Variants in VPS13B observed in about 807,000 individuals in gnomAD.
VPS13B encodes the protein intermembrane lipid transfer protein VPS13B.
Under a neutral mutation model 426.4 loss-of-function variants are expected in VPS13B, and 285 were observed. The ratio of observed to expected loss-of-function variants is 0.67; its 90% CI spans 0.61 to 0.74. VPS13B has a LOEUF of 0.74. Among genes scored for constraint, VPS13B ranks in the 30% least tolerant of loss-of-function variants. The probability of loss-of-function intolerance (pLI) is 0.00; values close to 1 mark genes in which losing one functional copy is unlikely to be tolerated. For missense variants in VPS13B, 4,537 were observed against 4,782.6 expected, an observed-to-expected ratio of 0.95 and a Z score of 1.51; for synonymous variants, 1,676 against 1,676.4, an observed-to-expected ratio of 1.00 and a Z score of 0.01.
rs946605284 is a variant in VPS13B at position 99,876,318 on chromosome 8, T to C, written c.*652T>C. The C allele has an allele frequency of 6.5e-6, 1 of 153,114 alleles. No homozygotes were observed. Among genetic ancestry groups the C allele is most frequent in the African/African-American group, 2.4e-5 (1 of 41,456 alleles). The allele number at this position is 153,114 out of a possible 1,614,324, so 9.5% of individuals were successfully genotyped here. On this transcript the variant is annotated 3_prime_UTR_variant, in exon 62 of 62. Coordinates refer to ENST00000357162, the MANE Select transcript of VPS13B (RefSeq NM_152564.5). ...CAGTGCTATTCTTTGAAAGCTGCTA[T>C]GTGTATTTTCTCTGAAGTCTGCATT...
At chr8:99,802,092 GTGAGTCA>G (rs1326507764) in intron 43 of VPS13B, among the ~76,000 whole-genome samples, 1 of 151,834 alleles carries the variant, frequency 6.6e-6, no homozygotes, top group African/African-American at 2.4e-5. Flanking sequence ...TGAGGCTACA[GTGAGTCA>G]TGATCGTGCC....
rs1277958075 is a variant in VPS13B, at chr8:99,720,849, C to A, written c.6866-14C>A. The A allele has an allele frequency of 1.9e-6, 3 of 1,604,354 alleles. No individual in the cohort carries two copies. On this transcript the variant is annotated splice_polypyrimidine_tract_variant and intron_variant, in intron 38 of 61. Coordinates refer to ENST00000357162, the MANE Select transcript of VPS13B (RefSeq NM_152564.5). ...CCTTTAAATCATACAATTAATTATA[C>A]TTTTATTTGACAGAATCTTTGAAAT... is the stretch of plus-strand genomic sequence containing the variant.
chr8:99,057,188 T>A (rs1350909082), intron 3 of VPS13B, among the ~76,000 whole-genome samples: 2 of 144,574 alleles, frequency 1.4e-5, no homozygotes, highest in Non-Finnish European at 3.1e-5. Flanking sequence ...ACAAAAAGTA[T>A]TTTTTTTTTT....
intron 19 of VPS13B, among the ~76,000 whole-genome samples, chr8:99,336,146 G>A (rs1049350548): frequency 1.3e-5 from 2 of 152,080 alleles, no homozygotes; most frequent in African/African-American, 4.8e-5. Flanking sequence ...AAACAGCAAG[G>A]TACTGGTACC....
At chr8:99,097,665 A>G (rs966904158) in intron 4 of VPS13B, among the ~76,000 whole-genome samples, 3 of 152,216 alleles carry the variant, frequency 2.0e-5, no homozygotes, top group Middle Eastern at 3.2e-3. Flanking sequence ...AGAGACAAAT[A>G]GTAGCCAAAA....
intron 19 of VPS13B, among the ~76,000 whole-genome samples, chr8:99,286,137 T>C (rs1819429260): frequency 6.6e-6 from 1 of 152,172 alleles, no homozygotes; most frequent in East Asian, 1.9e-4. Context: ...TCCTTCCCCA[T>C]GAAGTTGGGA....
intron 39 of VPS13B, among the ~76,000 whole-genome samples, chr8:99,730,888 G>T (rs1344100520): frequency 1.3e-5 from 2 of 152,048 alleles, no homozygotes; most frequent in African/African-American, 4.8e-5. Flanking sequence ...CCACGAAAAA[G>T]CCACAGAGAA....
At chr8:99,453,814 G>A (rs969961836) in intron 23 of VPS13B, among the ~76,000 whole-genome samples, 3 of 152,042 alleles carry the variant, frequency 2.0e-5, no homozygotes, top group Admixed American at 1.3e-4. Context: ...CTAAACCTGC[G>A]CAGCCTCTCC....
intron 33 of VPS13B, 100 bp downstream of exon 33, chr8:99,577,733 A>G: frequency 7.0e-7 from 1 of 1,424,372 alleles, no homozygotes; most frequent in Non-Finnish European, 9.8e-7. Flanking sequence ...CTGCTTAATT[A>G]TTCTGTGTTT....
At chr8:99,549,563 G>T (rs961082196) in intron 30 of VPS13B, among the ~76,000 whole-genome samples, 2 of 151,862 alleles carry the variant, frequency 1.3e-5, no homozygotes, top group African/African-American at 4.8e-5. Context: ...CTCTCCTCTT[G>T]GCTATTGTGC....
intron 19 of VPS13B, among the ~76,000 whole-genome samples, chr8:99,281,214 G>A (rs1479215231): frequency 6.6e-6 from 1 of 152,230 alleles, no homozygotes; most frequent in East Asian, 1.9e-4. Context: ...TCTGACAGGA[G>A]GCAGAGCTCA....
chr8:99,827,389 T>A (rs1814753483), intron 51 of VPS13B, among the ~76,000 whole-genome samples: 3 of 152,202 alleles, frequency 2.0e-5, no homozygotes. Flanking sequence ...GATGGTAGTT[T>A]GTATTTCTGT....
In VPS13B at chr8:99,699,750, A is replaced by T. The variant is rs1832191384; in HGVS notation, c.6272A>T (p.Gln2091Leu). The T allele has an allele frequency of 6.2e-7, 1 of 1,614,022 alleles. No homozygotes were observed. Among genetic ancestry groups the T allele is most frequent in the Non-Finnish European group, 8.5e-7 (1 of 1,180,022 alleles). The change falls in exon 36 of 62, where the codon CAA (glutamine) becomes CTA (leucine). Residue 2091 changes from glutamine to leucine, a missense_variant. Coordinates refer to ENST00000357162, the MANE Select transcript of VPS13B (RefSeq NM_152564.5). ...CCCAAAATTCATGGTGATGGAGTGCAAAAGATTTCAGCTCAAGAAAACATG... is the reference window on the plus strand; with the variant it reads ...CCCAAAATTCATGGTGATGGAGTGCTAAAGATTTCAGCTCAAGAAAACATG... ...SKPKIHGDGV[Q>L]KISAQENMWR...
chr8:99,626,828 A>G (rs1178036359), intron 33 of VPS13B, among the ~76,000 whole-genome samples: 1 of 152,238 alleles, frequency 6.6e-6, no homozygotes, highest in East Asian at 1.9e-4. Context: ...CTGCACTCCC[A>G]TATTCATTGC....
At position 99,170,157 on chromosome 8, in the gene VPS13B, C is replaced by A; in HGVS notation, c.2327C>A (p.Thr776Lys). The part of the protein sequence containing the change: ...ALYGKLLKLP[T>K]CWTKRSQIAI... ...TATGGGAAACTTCTGAAACTCCCCACATGCTGGTAAGTCTTACATGTTAAA... is the reference window on the plus strand; with the variant it reads ...TATGGGAAACTTCTGAAACTCCCCAAATGCTGGTAAGTCTTACATGTTAAA... The change falls in exon 16 of 62, where the codon ACA becomes AAA. Residue 776 changes from threonine to lysine, a missense_variant. Transcript: ENST00000357162. The A allele has an allele frequency of 6.2e-7, 1 of 1,612,544 alleles. No individual in the cohort carries two copies. Among genetic ancestry groups the A allele is most frequent in the Non-Finnish European group, 8.5e-7 (1 of 1,178,812 alleles).
chr8:99,267,784 GC>G (rs1024936944), intron 17 of VPS13B, among the ~76,000 whole-genome samples: 3 of 151,978 alleles, frequency 2.0e-5, no homozygotes, highest in African/African-American at 7.2e-5. Flanking sequence ...AGTGAAGCTG[GC>G]CACAAAAATT....
At chr8:99,265,322 C>T (rs1183603950) in intron 17 of VPS13B, among the ~76,000 whole-genome samples, 1 of 152,070 alleles carries the variant, frequency 6.6e-6, no homozygotes, top group Non-Finnish European at 1.5e-5. Context: ...GGACACAATT[C>T]ATTTTTGGTT....
intron 12 of VPS13B, among the ~76,000 whole-genome samples, chr8:99,141,600 T>G (rs1810424972): frequency 6.6e-6 from 1 of 152,202 alleles, no homozygotes; most frequent in Non-Finnish European, 1.5e-5. Context: ...TCAGTATTAA[T>G]CATACATCTT....
intron 34 of VPS13B, among the ~76,000 whole-genome samples, chr8:99,660,079 A>C (rs941312764): frequency 6.6e-6 from 1 of 152,234 alleles, no homozygotes; most frequent in Admixed American, 6.5e-5. Context: ...TCTACTATGC[A>C]TATTCTCACT....
Sources: allele counts gnomAD v4.1 joint callset (sites outside exome capture counted in the v4.1 genomes callset), GRCh38; gene constraint gnomAD v4.1.1; transcripts MANE v1.5; gene names NCBI Gene and HGNC (gene_info 2026-07-23, HGNC 2026-07-21).